The following GON4L variants were observed in gnomAD, a reference collection of about 807,000 sequenced individuals.
GON4L encodes the protein gon-4 like.
In GON4L, 87 loss-of-function variants were observed where a neutral mutation model predicts 211.8. That is an observed-to-expected ratio of 0.41 (90% CI 0.35 to 0.49). The LOEUF (loss-of-function observed/expected upper bound fraction) is 0.49, where lower values mean the gene tolerates loss of function less well. Among genes scored for constraint, GON4L ranks in the 20% least tolerant of loss-of-function variants. GON4L has a pLI of 0.15. For missense variants in GON4L, 2,155 were observed against 2,659.5 expected (o/e 0.81, Z 4.17); for synonymous variants, 875 against 962.6 (o/e 0.91, Z 1.68).
chr1:155,847,862 A>T (rs2102464016), intron 2 of GON4L, among the ~76,000 whole-genome samples: 1 of 152,236 alleles, frequency 6.6e-6, no homozygotes, highest in Admixed American at 6.5e-5. Context: ...GAACAGAGTG[A>T]GACTCTGTCT....
chr1:155,759,835 C>T (rs934673303), intron 24 of GON4L, among the ~76,000 whole-genome samples: 2 of 151,468 alleles, frequency 1.3e-5, no homozygotes, highest in Non-Finnish European at 2.9e-5. Flanking sequence ...CTTCCCAGAC[C>T]GCTGTGTATA....
chr1:155,807,181 G>A (rs1384136784), intron 10 of GON4L, among the ~76,000 whole-genome samples: 3 of 151,494 alleles, frequency 2.0e-5, no homozygotes, highest in South Asian at 2.1e-4. Flanking sequence ...TGACAAGATC[G>A]CTTGAGTCTA....
intron 1 of GON4L, among the ~76,000 whole-genome samples, chr1:155,856,262 C>A (rs146634797): frequency 5.3e-5 from 8 of 152,260 alleles, no homozygotes; most frequent in Non-Finnish European, 1.2e-4. Context: ...AGGTCTCGCT[C>A]TGTTGCCCAG....
chr1:155,779,070 T>C (rs1052676276), intron 14 of GON4L, among the ~76,000 whole-genome samples: 4 of 151,310 alleles, frequency 2.6e-5, no homozygotes, highest in African/African-American at 9.7e-5. Flanking sequence ...ATCAAGACCA[T>C]GGTGAAACCC....
intron 2 of GON4L, among the ~76,000 whole-genome samples, chr1:155,835,726 C>T (rs988202569): frequency 2.0e-5 from 3 of 152,210 alleles, no homozygotes; most frequent in Non-Finnish European, 2.9e-5. Flanking sequence ...TCTGCTGCTG[C>T]GGCTGCTTCT....
intron 3 of GON4L, among the ~76,000 whole-genome samples, chr1:155,824,965 T>C (rs1050651515): frequency 5.9e-5 from 9 of 151,400 alleles, no homozygotes; most frequent in Admixed American, 3.3e-4. Flanking sequence ...CTGGGCAACA[T>C]AGTGAAAACC....
chr1:155,847,867 C>T lies in GON4L; in HGVS notation c.505+5409G>A, dbSNP rs539365574. Among the ~76,000 whole-genome samples, 248 of 152,136 alleles carry T rather than the reference C, an allele frequency of 1.6e-3. 1 individual carries two copies. Among genetic ancestry groups the T allele is most frequent in the Middle Eastern group, 3.4e-3 (1 of 292 alleles). On this transcript the variant is annotated intron_variant, in intron 2 of 31. Coordinates refer to ENST00000368331, the MANE Select transcript of GON4L (RefSeq NM_001282860.2). ...CCAGCCTGGGGAACAGAGTGAGACT[C>T]TGTCTCAAAATAAATAAACAATAAA...
chr1:155,803,223 C>T (rs1347080227), intron 11 of GON4L, among the ~76,000 whole-genome samples: 2 of 151,868 alleles, frequency 1.3e-5, no homozygotes, highest in Non-Finnish European at 2.9e-5. Context: ...CCTACCCAGC[C>T]ATTTACTCAG....
At chr1:155,754,159 C>T in intron 28 of GON4L, 9 of 589,912 alleles carry the variant, frequency 1.5e-5, no homozygotes, top group South Asian at 3.9e-5. Context: ...TTTGTTTTTC[C>T]AATTCCAAAA....
At chr1:155,827,097 A>G in intron 2 of GON4L, 69 bp from the exon 3 acceptor site, 2 of 1,160,842 alleles carry the variant, frequency 1.7e-6, no homozygotes, top group Middle Eastern at 1.9e-4. Flanking sequence ...AGAATTTAGC[A>G]TCTTATTATA....
rs138423962 is a variant in GON4L at position 155,796,984 on chromosome 1, T to C, written c.1646-1833A>G. Among the ~76,000 whole-genome samples the C allele has an allele frequency of 3.1e-3, 475 of 152,338 alleles. 4 individuals are homozygous for C. Among genetic ancestry groups the C allele is most frequent in the African/African-American group, 0.011 (458 of 41,578 alleles). Reference sequence around the variant, plus strand: ...CAGATGAAGACCAATATGTATAGTATGATTCTTTTTGTGGAAAAAAATTCT... The same window carrying C: ...CAGATGAAGACCAATATGTATAGTACGATTCTTTTTGTGGAAAAAAATTCT... On this transcript the variant is annotated intron_variant, in intron 11 of 31. Coordinates refer to ENST00000368331, the MANE Select transcript of GON4L (RefSeq NM_001282860.2).
At chr1:155,762,991 G>A (rs1475787028) in intron 22 of GON4L, among the ~76,000 whole-genome samples, 1 of 151,184 alleles carries the variant, frequency 6.6e-6, no homozygotes, top group Non-Finnish European at 1.5e-5. Context: ...AGCCAAGATC[G>A]CACCACTGCA....
chr1:155,813,038 T>C (rs141515369), intron 10 of GON4L, among the ~76,000 whole-genome samples: 2,068 of 152,222 alleles, frequency 0.014, 29 homozygotes, highest in Non-Finnish European at 0.019. Flanking sequence ...CATCAAGCAA[T>C]TGTGGTAAAA....
At chr1:155,800,225 C>T (rs948395845) in intron 11 of GON4L, among the ~76,000 whole-genome samples, 1 of 151,108 alleles carries the variant, frequency 6.6e-6, no homozygotes, top group African/African-American at 2.4e-5. Flanking sequence ...CAAAACAAAA[C>T]AAAAAACACA....
At chr1:155,846,121 C>A (rs1671210582) in intron 2 of GON4L, 1 of 230,824 alleles carries the variant, frequency 4.3e-6, no homozygotes, top group South Asian at 7.9e-5. Context: ...ACCTGAAGAC[C>A]AATAACCAAA....
chr1:155,823,199 G>A (rs141273334), intron 3 of GON4L, among the ~76,000 whole-genome samples: 3,161 of 152,304 alleles, frequency 0.021, 48 homozygotes, highest in Non-Finnish European at 0.031. Flanking sequence ...AAAGCTCTGG[G>A]ATTACAGGTG....
chr1:155,762,221 T>C lies in GON4L; in HGVS notation c.4880A>G (p.Asp1627Gly). 6.2e-7 allele frequency: 1 copy of C among 1,609,896 alleles called. No homozygotes were observed. The highest frequency in any genetic ancestry group is 8.5e-7 in the Non-Finnish European group (1 of 1,178,170). ...CAGATAAGCTTGGGCAAAGGCCAAG[T>C]CCTTCTGCTCCCTGAGTGGATCTCG... ...LERDPLREQKDLAFAQAYLTR... is the reference protein window; with the variant it reads ...LERDPLREQKGLAFAQAYLTR... Residue 1627 changes from aspartate to glycine, a missense_variant, in exon 23 of 32, where the codon GAC becomes GGC. Asp to Gly is a moderately conservative substitution (Grantham distance 94). This residue lies in a region of GON4L where 455 missense variants were observed against 504.6 expected (regional missense o/e 0.90). Coordinates refer to ENST00000368331, the MANE Select transcript of GON4L (RefSeq NM_001282860.2).
intron 10 of GON4L, among the ~76,000 whole-genome samples, chr1:155,809,912 T>C (rs1363295099): frequency 3.0e-5 from 4 of 134,452 alleles, no homozygotes; most frequent in African/African-American, 1.1e-4. Flanking sequence ...ATAAATTATA[T>C]ACATATATAA....
intron 19 of GON4L, among the ~76,000 whole-genome samples, chr1:155,768,121 G>T (rs1478321698): frequency 2.0e-5 from 3 of 152,038 alleles, no homozygotes; most frequent in Non-Finnish European, 2.9e-5. Flanking sequence ...TGGCCAACAT[G>T]GCAAAACCCC....
Sources: gnomAD v4.1 joint callset for allele counts (sites outside exome capture counted in the v4.1 genomes callset) on GRCh38, gnomAD v4.1.1 for gene constraint, gnomAD v4.1.1 regional missense constraint, MANE v1.5 for transcripts, NCBI Gene and HGNC (gene_info 2026-07-23, HGNC 2026-07-21) for gene names.